Variants in BNC2 observed in about 807,000 individuals in gnomAD.
BNC2 encodes the protein basonuclin zinc finger protein 2.
In BNC2, 20 loss-of-function variants were observed where a neutral mutation model predicts 76.3. The observed-to-expected ratio is 0.26, with a 90% CI of 0.18 to 0.38. The LOEUF (loss-of-function observed/expected upper bound fraction) is 0.38. Among genes scored for constraint, BNC2 ranks in the 10% least tolerant of loss-of-function variants. The pLI is 1.00. For missense variants in BNC2, 1,382 were observed against 1,399.8 expected (o/e 0.99, Z 0.20); for synonymous variants, 582 against 514.8 (o/e 1.13, Z -1.77).
chr9:16,742,426 A>G (rs1030297990), intron 1 of BNC2, among the ~76,000 whole-genome samples: 3 of 152,234 alleles, frequency 2.0e-5, no homozygotes, highest in African/African-American at 7.2e-5. Flanking sequence ...AGCAGAACTC[A>G]GCACTTCTAG....
chr9:16,756,043 G>C (rs10756807), intron 1 of BNC2, among the ~76,000 whole-genome samples: 4 of 151,996 alleles, frequency 2.6e-5, no homozygotes. Context: ...GATTAACTCA[G>C]GTGTCTCTCA....
At chr9:16,443,361 A>G (rs575543252) in intron 5 of BNC2, among the ~76,000 whole-genome samples, 1 of 152,270 alleles carries the variant, frequency 6.6e-6, no homozygotes, top group South Asian at 2.1e-4. Flanking sequence ...TCATAACCAC[A>G]TTGGCAATTT....
At chr9:16,607,473 C>A (rs966193718) in intron 3 of BNC2, among the ~76,000 whole-genome samples, 1 of 152,104 alleles carries the variant, frequency 6.6e-6, no homozygotes, top group Non-Finnish European at 1.5e-5. Context: ...AAACTAAACA[C>A]GTCTAAAGGA....
intron 3 of BNC2, among the ~76,000 whole-genome samples, chr9:16,613,078 T>G (rs571574656): frequency 5.3e-5 from 8 of 152,304 alleles, no homozygotes; most frequent in African/African-American, 1.9e-4. Context: ...GGAGAATACC[T>G]AGGACCATAA....
chr9:16,781,674 A>G (rs1333224240), intron 1 of BNC2, among the ~76,000 whole-genome samples: 3 of 152,246 alleles, frequency 2.0e-5, no homozygotes. Flanking sequence ...CAGAATTTTT[A>G]AAACAACAAG....
chr9:16,608,556 G>T (rs1467118339), intron 3 of BNC2, among the ~76,000 whole-genome samples: 4 of 151,922 alleles, frequency 2.6e-5, no homozygotes, highest in Non-Finnish European at 5.9e-5. Context: ...ACTCAGGCTG[G>T]ACTCAGTGGC....
chr9:16,741,796 GA>G (rs1166556128), intron 1 of BNC2, among the ~76,000 whole-genome samples: 1 of 151,574 alleles, frequency 6.6e-6, no homozygotes, highest in Non-Finnish European at 1.5e-5. Flanking sequence ...CGTCTCTACT[GA>G]AAATACAAAA....
chr9:16,494,996 G>C (rs1822356938), intron 5 of BNC2, among the ~76,000 whole-genome samples: 1 of 152,132 alleles, frequency 6.6e-6, no homozygotes, highest in Admixed American at 6.5e-5. Flanking sequence ...AAATAAAAGA[G>C]TTTGGATGTT....
intron 3 of BNC2, among the ~76,000 whole-genome samples, chr9:16,678,633 AAACAGT>A (rs1822730136): frequency 6.7e-6 from 1 of 149,244 alleles, no homozygotes; most frequent in Non-Finnish European, 1.5e-5. Context: ...TTCTGTACCT[AAACAGT>A]AACAGTCTCT....
chr9:16,696,232 C>T (rs1823334018), intron 3 of BNC2, among the ~76,000 whole-genome samples: 1 of 152,168 alleles, frequency 6.6e-6, no homozygotes, highest in Non-Finnish European at 1.5e-5. Context: ...CCACCAATTA[C>T]CAATTACAGT....
chr9:16,685,049 G>C (rs988794105), intron 3 of BNC2, among the ~76,000 whole-genome samples: 1 of 152,186 alleles, frequency 6.6e-6, no homozygotes, highest in Non-Finnish European at 1.5e-5. Context: ...TGAGCCGGGA[G>C]ACCATATTGT....
intron 3 of BNC2, among the ~76,000 whole-genome samples, chr9:16,676,386 G>T (rs1822643635): frequency 6.6e-6 from 1 of 152,136 alleles, no homozygotes. Context: ...TTTAAGCCAA[G>T]AATTAAAACA....
At chr9:16,447,196 A>T (rs538394281) in intron 5 of BNC2, among the ~76,000 whole-genome samples, 21 of 152,272 alleles carry the variant, frequency 1.4e-4, no homozygotes, top group Admixed American at 2.6e-4. Flanking sequence ...CTTTAAAATC[A>T]AATTACCTAT....
intron 6 of BNC2, chr9:16,434,755 A>C: frequency 2.2e-6 from 1 of 446,210 alleles, no homozygotes; most frequent in South Asian, 1.6e-5. Flanking sequence ...ACATAGCAAG[A>C]GTGTGATGTC....
intron 3 of BNC2, among the ~76,000 whole-genome samples, chr9:16,663,679 G>A (rs77728724): frequency 0.019 from 2,899 of 152,230 alleles, 96 homozygotes; most frequent in African/African-American, 0.064. Context: ...AAAAATCTCA[G>A]AAAGAGTAAT....
intron 3 of BNC2, among the ~76,000 whole-genome samples, chr9:16,672,079 A>T (rs982055576): frequency 1.1e-4 from 17 of 152,242 alleles, no homozygotes; most frequent in African/African-American, 4.1e-4. Flanking sequence ...GCTAACAGCA[A>T]GGGGTGTTGC....
chr9:16,624,304 G>A (rs760917411), intron 3 of BNC2, among the ~76,000 whole-genome samples: 2 of 152,088 alleles, frequency 1.3e-5, no homozygotes, highest in African/African-American at 2.4e-5. Flanking sequence ...CAAACTACCC[G>A]ATTATACCAA....
At chr9:16,776,963 T>TA (rs1461459313) in intron 1 of BNC2, among the ~76,000 whole-genome samples, 2 of 151,588 alleles carry the variant, frequency 1.3e-5, no homozygotes, top group Non-Finnish European at 2.9e-5. Flanking sequence ...CCATCTCTAC[T>TA]AAAAAAACAA....
chr9:16,490,278 G>C (rs1563807540), intron 5 of BNC2, among the ~76,000 whole-genome samples: 1 of 152,180 alleles, frequency 6.6e-6, no homozygotes, highest in East Asian at 1.9e-4. Context: ...AGCCGCAAGA[G>C]AAAATGAGGA....
Sources: gnomAD v4.1 joint callset for allele counts (sites outside exome capture counted in the v4.1 genomes callset) on GRCh38, gnomAD v4.1.1 for gene constraint, MANE v1.5 for transcripts, NCBI Gene and HGNC (gene_info 2026-07-23, HGNC 2026-07-21) for gene names.